RAB3IP: variants seen among roughly 807,000 people sequenced by gnomAD.
The protein encoded by RAB3IP is RAB3A interacting protein.
Under a neutral mutation model 59.1 loss-of-function variants are expected in RAB3IP, and 36 were observed. That is an observed-to-expected ratio of 0.61 (90% CI 0.47 to 0.80). The LOEUF (loss-of-function observed/expected upper bound fraction) is 0.80, where lower values mean the gene tolerates loss of function less well. RAB3IP is among the 30% of genes least tolerant of loss of function. The pLI is 0.00. For synonymous variants in RAB3IP, 207 were observed against 191.2 expected (o/e 1.08, Z -0.68); for missense variants, 511 against 536.0 (o/e 0.95, Z 0.46).
At chr12:69,795,468 G>A in intron 6 of RAB3IP, 124 bp downstream of exon 6, 1 of 746,344 alleles carries the variant, frequency 1.3e-6, no homozygotes, top group East Asian at 2.7e-5. Flanking sequence ...TTAAGATGGG[G>A]GAGGCTTTAT....
chr12:69,784,450 A>G (rs1048925608), intron 3 of RAB3IP, among the ~76,000 whole-genome samples: 1 of 149,688 alleles, frequency 6.7e-6, no homozygotes, highest in African/African-American at 2.4e-5. Context: ...TATATATTAT[A>G]TATAGTTTAT....
At chr12:69,786,630 G>A (rs1247526343) in intron 4 of RAB3IP, among the ~76,000 whole-genome samples, 2 of 152,074 alleles carry the variant, frequency 1.3e-5, no homozygotes, top group Non-Finnish European at 2.9e-5. Flanking sequence ...AGCTATTTAT[G>A]TTAATTTTGA....
chr12:69,804,459 G>C (rs1432241865), intron 8 of RAB3IP, among the ~76,000 whole-genome samples: 1 of 152,168 alleles, frequency 6.6e-6, no homozygotes, highest in Non-Finnish European at 1.5e-5. Context: ...TGTTCACTCT[G>C]ATGGTGGTTT....
chr12:69,807,879 CGG>C (rs1879727095), intron 8 of RAB3IP, among the ~76,000 whole-genome samples: 1 of 146,604 alleles, frequency 6.8e-6, no homozygotes, highest in African/African-American at 2.5e-5. Flanking sequence ...GGCGGCCGGG[CGG>C]AGACGCTCCT....
intron 3 of RAB3IP, among the ~76,000 whole-genome samples, chr12:69,767,090 C>T (rs987977675): frequency 1.3e-5 from 2 of 152,218 alleles, no homozygotes. Context: ...TTCTCCTCAT[C>T]TGGAGATGAT....
At chr12:69,795,962 G>A (rs1044891668) in intron 6 of RAB3IP, 4 of 152,490 alleles carry the variant, frequency 2.6e-5, no homozygotes, top group Admixed American at 1.3e-4. Context: ...TTACAACTAT[G>A]TAAGGCCACC....
At position 69,756,443 on chromosome 12, in the gene RAB3IP, G is replaced by A. The variant is rs1429523320; in HGVS notation, c.290G>A (p.Gly97Glu). 1 of 1,613,920 alleles carries A rather than the reference G, an allele frequency of 6.2e-7. No individual in the cohort carries two copies. The highest frequency in any genetic ancestry group is 8.5e-7 in the Non-Finnish European group (1 of 1,179,974). Residue 97 changes from glycine (G) to glutamate (E), a missense_variant, in exon 3 of 11, where the codon GGA (glycine) becomes GAA (glutamate). Gly to Glu is a moderately conservative substitution (Grantham distance 98, BLOSUM62 -2). Transcript: ENST00000247833. ...VTDPAPCSTS[G>E]VTAGLTKLTT... ...GACCCAGCCCCTTGCTCTACCTCTG[G>A]AGTCACAGCTGGATTAACTAAATTA...
chr12:69,821,832 C>T lies in RAB3IP; in HGVS notation c.*6386C>T, dbSNP rs1881780683. The T allele has an allele frequency of 6.6e-6, 1 of 152,022 alleles. No individual in the cohort carries two copies. Among genetic ancestry groups the T allele is most frequent in the Admixed American group, 6.5e-5 (1 of 15,270 alleles). 9.4% of individuals were successfully genotyped at this position (152,022 alleles called of 1,614,324 possible). On this transcript the variant is annotated 3_prime_UTR_variant, in exon 11 of 11. Coordinates refer to ENST00000247833, the MANE Select transcript of RAB3IP (RefSeq NM_022456.5). The stretch of plus-strand genomic sequence containing the variant: ...TGCACTCCATGGTTTGCTCTATGGC[C>T]CACCATCCTGGATTGTCTCCCTGAC...
intron 8 of RAB3IP, chr12:69,812,472 C>G (rs1880589369): frequency 3.8e-6 from 1 of 261,954 alleles, no homozygotes; most frequent in South Asian, 7.5e-5. Flanking sequence ...TGAGAGCTGT[C>G]CTGCAGCTGA....
chr12:69,787,480 A>G (rs540078374), intron 4 of RAB3IP, among the ~76,000 whole-genome samples: 4 of 152,330 alleles, frequency 2.6e-5, no homozygotes, highest in African/African-American at 9.6e-5. Context: ...CTGAGAAGAA[A>G]AGTGAGGCAG....
intron 10 of RAB3IP, among the ~76,000 whole-genome samples, chr12:69,814,124 C>T (rs181189172): frequency 2.3e-4 from 35 of 152,028 alleles, no homozygotes; most frequent in South Asian, 1.7e-3. Flanking sequence ...TTTTTGAATA[C>T]CTGTTGATGG....
intron 1 of RAB3IP, chr12:69,739,748 T>G (rs1887095846): frequency 7.6e-7 from 1 of 1,308,276 alleles, no homozygotes; most frequent in Non-Finnish European, 1.1e-6. Context: ...CTCCCAGCGT[T>G]GACAACTCGC....
Position 69,815,281 on chromosome 12 carries a change from T to C in RAB3IP, c.1301-83T>C, listed in dbSNP as rs1461311902. The C allele has an allele frequency of 4.1e-6, 4 of 981,242 alleles. No homozygotes were observed. The East Asian group carries it at 1.0e-4, about 25-fold the overall frequency. The allele number at this position is 981,242 out of a possible 1,614,324, so 60.8% of individuals were successfully genotyped here. A position where few individuals can be genotyped will look rare whatever the true frequency, so the allele number is the denominator to read the frequency against. Reference sequence around the variant, plus strand: ...CTTTAGGAAATGCACAATTGACATTTCAGCTAAGGTTTTCAGCGAAACATT... The same window carrying C: ...CTTTAGGAAATGCACAATTGACATTCCAGCTAAGGTTTTCAGCGAAACATT... On this transcript the variant is annotated intron_variant, in intron 10 of 10. Coordinates refer to ENST00000247833, the MANE Select transcript of RAB3IP (RefSeq NM_022456.5).
chr12:69,739,631 T>G, intron 1 of RAB3IP: 1 of 599,390 alleles, frequency 1.7e-6, no homozygotes, highest in South Asian at 2.0e-5. Context: ...GGTGGGAAAT[T>G]CCGGGCAGGC....
intron 1 of RAB3IP, among the ~76,000 whole-genome samples, chr12:69,740,143 C>G (rs1887170815): frequency 6.6e-6 from 1 of 152,072 alleles, no homozygotes; most frequent in South Asian, 2.1e-4. Flanking sequence ...TATCCTTTTT[C>G]TCATTTTGTT....
At chr12:69,797,477 C>CTTTTT in intron 6 of RAB3IP, among the ~76,000 whole-genome samples, 1 of 54,952 alleles carries the variant, frequency 1.8e-5, no homozygotes, top group African/African-American at 8.9e-5. Context: ...TCTTTTCTTT[C>CTTTTT]TTTTTTTTTT....
chr12:69,759,556 G>A (rs1870871468), intron 3 of RAB3IP, among the ~76,000 whole-genome samples: 1 of 151,982 alleles, frequency 6.6e-6, no homozygotes, highest in Admixed American at 6.5e-5. Context: ...CCCAGAAGGG[G>A]CGGCCGGGCA....
intron 8 of RAB3IP, among the ~76,000 whole-genome samples, chr12:69,806,786 T>G (rs918307135): frequency 6.6e-6 from 1 of 152,090 alleles, no homozygotes; most frequent in African/African-American, 2.4e-5. Context: ...TGACTCTTAA[T>G]GAGCATGCAG....
intron 1 of RAB3IP, among the ~76,000 whole-genome samples, chr12:69,747,496 C>T (rs1258328388): frequency 6.6e-6 from 1 of 152,116 alleles, no homozygotes; most frequent in Non-Finnish European, 1.5e-5. Flanking sequence ...GAGATGGGGT[C>T]TCGCTATGTT....
Sources: gnomAD v4.1 joint callset for allele counts (sites outside exome capture counted in the v4.1 genomes callset) on GRCh38, gnomAD v4.1.1 for gene constraint, MANE v1.5 for transcripts, NCBI Gene and HGNC (gene_info 2026-07-23, HGNC 2026-07-21) for gene names.